The following ZP1 variants were observed in gnomAD, a reference collection of about 807,000 sequenced individuals.
The protein encoded by ZP1 is zona pellucida glycoprotein 1.
In ZP1, 58 loss-of-function variants were observed where a neutral mutation model predicts 67.4. The ratio of observed to expected loss-of-function variants is 0.86; its 90% CI spans 0.70 to 1.07. The LOEUF (loss-of-function observed/expected upper bound fraction) is 1.07, where lower values mean the gene tolerates loss of function less well. Among genes scored for constraint, ZP1 ranks in the 50% least tolerant of loss-of-function variants. ZP1 has a pLI of 0.00. For synonymous variants in ZP1, 333 were observed against 332.7 expected, an observed-to-expected ratio of 1.00 and a Z score of -0.01; for missense variants, 759 against 807.3, an observed-to-expected ratio of 0.94 and a Z score of 0.72.
At chr11:60,870,916 TG>T in intron 4 of ZP1, 40 bp from the exon 5 acceptor site, 4 of 1,583,302 alleles carry the variant, frequency 2.5e-6, no homozygotes, top group Non-Finnish European at 3.4e-6. Context: ...CTGTGCTGGA[TG>T]GACACCAAAC....
chr11:60,871,111 C>T lies in ZP1; in HGVS notation c.981C>T (p.Tyr327=), dbSNP rs758182885. Residue 327 remains tyrosine, a synonymous_variant, in exon 5 of 12, where the codon TAC becomes TAT. Coordinates refer to ENST00000278853, the MANE Select transcript of ZP1 (RefSeq NM_207341.4). ...ACACGGAAGCTTTCGTGGTCTTCTA[C>T]TTCCCTCTCACCCACTGTGGAACCA... ...TQHTEAFVVF[Y]FPLTHCGTTM... The T allele has an allele frequency of 2.6e-5, 42 of 1,614,060 alleles. No homozygotes were observed. In the South Asian group the frequency reaches 4.5e-4, roughly 17 times the overall value.
In ZP1 at chr11:60,867,770, A is replaced by G. The variant is rs202096215; in HGVS notation, c.196+13A>G. On this transcript the variant is annotated intron_variant, in intron 1 of 11. Transcript: ENST00000278853. ...TTCAAGGTGGTGGGTGAGTGCTGGC[A>G]GAGTCCTGGCCCCTGCCTCCCTGGC... 142 of 1,610,456 alleles carry G rather than the reference A, an allele frequency of 8.8e-5. 2 individuals carry two copies. In the African/African-American group the frequency reaches 1.5e-3, roughly 17 times the overall value.
At position 60,875,627 on chromosome 11, in the gene ZP1, CAGA is replaced by C; in HGVS notation, c.1891_1893del (p.Lys631del). 6.2e-7 allele frequency: 1 copy of C among 1,614,168 alleles called. No homozygotes were observed. Among genetic ancestry groups the C allele is most frequent in the Non-Finnish European group, 8.5e-7 (1 of 1,180,016 alleles). On this transcript the variant is annotated inframe_deletion, in exon 12 of 12. Coordinates refer to ENST00000278853, the MANE Select transcript of ZP1 (RefSeq NM_207341.4). ...TGTGGGCCTGAGCCAGACCTGGGCC[CAGA>C]AGCTCTGGGAAAGCAACAGACAGTG...
chr11:60,868,245 C>A (rs1345126940), intron 1 of ZP1, among the ~76,000 whole-genome samples: 2 of 152,126 alleles, frequency 1.3e-5, no homozygotes, highest in South Asian at 2.1e-4. Flanking sequence ...TGGAGTTTCA[C>A]GATATTGGTC....
At chr11:60,875,351 A>G in intron 11 of ZP1, 103 bp downstream of exon 11, 2 of 1,525,276 alleles carry the variant, frequency 1.3e-6, no homozygotes, top group Non-Finnish European at 1.8e-6. Flanking sequence ...AGGGCAAGAG[A>G]TGGTGTCACT....
chr11:60,867,686 A>T lies in ZP1; in HGVS notation c.125A>T (p.Asp42Val). ...CTCCCAGGCCTCCGGCACAGCTACG[A>T]CTGTGGGATCAAGGGAATGCAGCTG... is the stretch of plus-strand genomic sequence containing the variant. Reference protein sequence around the residue: ...PGLPGLRHSYDCGIKGMQLLV... With the variant: ...PGLPGLRHSYVCGIKGMQLLV... The change falls in exon 1 of 12, where the codon GAC (aspartate) becomes GTC (valine). Residue 42 changes from aspartate (D) to valine (V), a missense_variant. By Grantham distance (152) the Asp-to-Val change is radical. Transcript: ENST00000278853. The T allele has an allele frequency of 6.2e-7, 1 of 1,614,028 alleles. No homozygotes were observed. The highest frequency in any genetic ancestry group is 8.5e-7 in the Non-Finnish European group (1 of 1,179,958).
In ZP1 at chr11:60,873,034, A is replaced by G. The variant is rs1476016835; in HGVS notation, c.1113-128A>G. ...TGGAAATGCTGAGTATTGCTTAAGTAGCATCCATCTGCCCTGCTGGACAGT... is the reference window on the plus strand; with the variant it reads ...TGGAAATGCTGAGTATTGCTTAAGTGGCATCCATCTGCCCTGCTGGACAGT... On this transcript the variant is annotated intron_variant, in intron 6 of 11. Transcript: ENST00000278853. 11 of 1,047,872 alleles carry G rather than the reference A, an allele frequency of 1.0e-5. No homozygotes were observed. In the Admixed American group the frequency reaches 2.7e-4, roughly 26 times the overall value. 64.9% of individuals were successfully genotyped at this position (1,047,872 alleles called of 1,614,324 possible).
rs377008576 is a variant in ZP1 at position 60,870,322 on chromosome 11, C to T, written c.683-10C>T. 324 of 1,585,346 alleles carry T rather than the reference C, an allele frequency of 2.0e-4. 1 individual carries two copies. The highest frequency in any genetic ancestry group is 2.6e-4 in the Non-Finnish European group (308 of 1,167,006). On this transcript the variant is annotated splice_polypyrimidine_tract_variant and intron_variant, in intron 3 of 11. Coordinates refer to ENST00000278853, the MANE Select transcript of ZP1 (RefSeq NM_207341.4). ...GTGCCTTCAGCCTCATCACTCTGTC[C>T]CAACCCTAGGTACCCACCTGAGCCA...
intron 3 of ZP1, 110 bp downstream of exon 3, chr11:60,870,010 CT>C (rs1565102765): frequency 3.0e-6 from 4 of 1,320,834 alleles, no homozygotes; most frequent in South Asian, 1.8e-5. Context: ...TTGTTTTTTT[CT>C]TTTTTTAGAA....
rs1855516454 is a variant in ZP1 at position 60,868,967 on chromosome 11, G to A, written c.197-178G>A. On this transcript the variant is annotated intron_variant, in intron 1 of 11. Coordinates refer to ENST00000278853, the MANE Select transcript of ZP1 (RefSeq NM_207341.4). ...AAGACCCTCCCATCCCCTTACAGCT[G>A]TGGAAACTGAGAGCAGAGAGGGGAG... Among the ~76,000 whole-genome samples the A allele has an allele frequency of 2.6e-5, 4 of 152,308 alleles. No homozygotes were observed. The South Asian group carries it at 8.3e-4, about 32-fold the overall frequency.
At chr11:60,874,452 C>T (rs1855658349) in intron 9 of ZP1, among the ~76,000 whole-genome samples, 1 of 152,202 alleles carries the variant, frequency 6.6e-6, no homozygotes, top group African/African-American at 2.4e-5. Context: ...TCTGCCCTCC[C>T]CTCTGCCCCC....
chr11:60,870,892 C>T (rs1425871792), intron 4 of ZP1, 65 bp from the exon 5 acceptor site: 25 of 1,525,560 alleles, frequency 1.6e-5, no homozygotes, highest in Non-Finnish European at 2.2e-5. Context: ...GGCTGTCACC[C>T]AGCCATCCCG....
Position 60,873,680 on chromosome 11 carries a change from G to T in ZP1, c.1477G>T (p.Asp493Tyr), listed in dbSNP as rs199908546. 6 of 1,614,184 alleles carry T rather than the reference G, an allele frequency of 3.7e-6. No homozygotes were observed. The highest frequency in any genetic ancestry group is 2.7e-5 in the African/African-American group (2 of 75,032). The change falls in exon 9 of 12, where the codon GAC becomes TAC. Residue 493 changes from aspartate (D) to tyrosine (Y), a missense_variant. Transcript: ENST00000278853. ...DSYRTQMVAL[D>Y]GATPFQSHYQ... The stretch of plus-strand genomic sequence containing the variant: ...CTACAGAACCCAAATGGTAGCCTTG[G>T]ACGGGGCCACACCTTTCCAGTCGCA...
chr11:60,872,942 G>T (rs949469681), intron 6 of ZP1, among the ~76,000 whole-genome samples: 1 of 152,192 alleles, frequency 6.6e-6, no homozygotes, highest in Non-Finnish European at 1.5e-5. Flanking sequence ...GGCATAACAG[G>T]CTTGAGCCAT....
At position 60,869,900 on chromosome 11, in the gene ZP1, G is replaced by T. The variant is rs1855534378; in HGVS notation, c.682G>T (p.Gly228Cys). 1 of 1,544,032 alleles carries T rather than the reference G, an allele frequency of 6.5e-7. No homozygotes were observed. The highest frequency in any genetic ancestry group is 1.9e-5 in the Admixed American group (1 of 52,382). The change falls in exon 3 of 12, where the codon GGT (glycine) becomes TGT (cysteine). Residue 228 changes from glycine to cysteine, a missense_variant and splice_region_variant. Physicochemically the swap from Gly to Cys is radical, Grantham distance 159. Transcript: ENST00000278853. Reference protein sequence around the residue: ...HWDVNKRDYIGTHLSQEQCQV... With the variant: ...HWDVNKRDYICTHLSQEQCQV... The stretch of plus-strand genomic sequence containing the variant: ...GGATGTGAACAAACGAGATTACATA[G>T]GTACGCAGGACATCTGAGTGTACTT...
At position 60,874,923 on chromosome 11, in the gene ZP1, C is replaced by T; in HGVS notation, c.1573-10C>T. The T allele has an allele frequency of 6.2e-7, 1 of 1,614,148 alleles. No individual in the cohort carries two copies. The highest frequency in any genetic ancestry group is 8.5e-7 in the Non-Finnish European group (1 of 1,179,982). ...AGCCAGCCACTTTGATGTTCTTCTC[C>T]TTCCACCAGGTTTACTTGTTCTGCA... On this transcript the variant is annotated splice_polypyrimidine_tract_variant and intron_variant, in intron 9 of 11. Transcript: ENST00000278853.
intron 2 of ZP1, 84 bp downstream of exon 2, chr11:60,869,350 G>A (rs898074891): frequency 6.3e-7 from 1 of 1,575,082 alleles, no homozygotes; most frequent in African/African-American, 1.4e-5. Flanking sequence ...GAACCAGAAA[G>A]GAGCCAAAGC....
At position 60,873,176 on chromosome 11, in the gene ZP1, G is replaced by C; in HGVS notation, c.1127G>C (p.Cys376Ser). 1 of 1,593,696 alleles carries C rather than the reference G, an allele frequency of 6.3e-7. No individual in the cohort carries two copies. The highest frequency in any genetic ancestry group is 1.7e-5 in the Admixed American group (1 of 57,566). ...GTGGACTTCAGGCTTCATGTGCGCTGTGTCTTCAACGCCAGTGACTTCCTG... is the reference window on the plus strand; with the variant it reads ...GTGGACTTCAGGCTTCATGTGCGCTCTGTCTTCAACGCCAGTGACTTCCTG... ...RDSTFQLHVR[C>S]VFNASDFLPI... The change falls in exon 7 of 12, where the codon TGT becomes TCT. Residue 376 changes from cysteine to serine, a missense_variant. Cys to Ser is a moderately radical substitution (Grantham distance 112). Coordinates refer to ENST00000278853, the MANE Select transcript of ZP1 (RefSeq NM_207341.4).
chr11:60,867,977 TGTTGAG>T (rs1855501195), intron 1 of ZP1, among the ~76,000 whole-genome samples: 1 of 151,868 alleles, frequency 6.6e-6, no homozygotes, highest in Non-Finnish European at 1.5e-5. Flanking sequence ...CTGGCCACCT[TGTTGAG>T]GTGCAGGTTC....
Sources: allele counts gnomAD v4.1 joint callset (sites outside exome capture counted in the v4.1 genomes callset), GRCh38; gene constraint gnomAD v4.1.1; transcripts MANE v1.5; gene names NCBI Gene and HGNC (gene_info 2026-07-23, HGNC 2026-07-21).